Variants in GLRA1 observed in about 807,000 individuals in gnomAD.
GLRA1 encodes the protein glycine receptor subunit alpha-1.
In GLRA1, 37 loss-of-function variants were observed where a neutral mutation model predicts 48.3. The ratio of observed to expected loss-of-function variants is 0.77; its 90% CI spans 0.59 to 1.01. GLRA1 has a LOEUF of 1.01. Among genes scored for constraint, GLRA1 ranks in the 50% least tolerant of loss-of-function variants. The pLI is 0.00. For synonymous variants in GLRA1, 196 were observed against 210.7 expected, an observed-to-expected ratio of 0.93 and a Z score of 0.60; for missense variants, 427 against 571.0, an observed-to-expected ratio of 0.75 and a Z score of 2.57.
intron 7 of GLRA1, among the ~76,000 whole-genome samples, chr5:151,844,313 G>A (rs1752607078): frequency 6.6e-6 from 1 of 151,472 alleles, no homozygotes; most frequent in South Asian, 2.1e-4. Context: ...CTTGGATTAG[G>A]CAATAGTTTC....
chr5:151,822,711 A>G lies in GLRA1; in HGVS notation c.1312T>C (p.Tyr438His). 1 of 1,613,838 alleles carries G rather than the reference A, an allele frequency of 6.2e-7. No individual in the cohort carries two copies. Among genetic ancestry groups the G allele is most frequent in the South Asian group, 1.1e-5 (1 of 91,072 alleles). ...ACGTCCTCTCTACGGACAATCTTGTAGATGATCCAGTAGAACATGTTGAAA... is the reference window on the plus strand; with the variant it reads ...ACGTCCTCTCTACGGACAATCTTGTGGATGATCCAGTAGAACATGTTGAAA... ...LIFNMFYWII[Y>H]KIVRREDVHN... The change falls in exon 9 of 9, where the codon TAC (tyrosine) becomes CAC (histidine). Residue 438 changes from tyrosine to histidine, a missense_variant. By Grantham distance (83) the Tyr-to-His change is moderately conservative. This residue lies in a region of GLRA1 where 121 missense variants were observed against 96.5 expected (regional missense o/e 1.25). Transcript: ENST00000274576.
intron 1 of GLRA1, among the ~76,000 whole-genome samples, chr5:151,899,469 G>A (rs1029054061): frequency 6.6e-5 from 10 of 152,168 alleles, no homozygotes; most frequent in Admixed American, 1.3e-4. Flanking sequence ...TGGATGGTGA[G>A]GAGTGGTGGG....
intron 8 of GLRA1, 51 bp downstream of exon 8, chr5:151,828,870 C>A: frequency 5.7e-6 from 9 of 1,566,494 alleles, no homozygotes; most frequent in Non-Finnish European, 7.9e-6. Context: ...GCTTAGAACT[C>A]TTTTGTTTAC....
At chr5:151,853,504 C>T (rs1457383680) in intron 6 of GLRA1, among the ~76,000 whole-genome samples, 2 of 151,816 alleles carry the variant, frequency 1.3e-5, no homozygotes, top group African/African-American at 4.8e-5. Flanking sequence ...CATCCACCCG[C>T]CTTGACCTCC....
chr5:151,837,471 C>G (rs1018072060), intron 7 of GLRA1, among the ~76,000 whole-genome samples: 1 of 152,086 alleles, frequency 6.6e-6, no homozygotes, highest in Non-Finnish European at 1.5e-5. Flanking sequence ...GGTATATACC[C>G]AAAGGATTAT....
chr5:151,874,236 G>A (rs1753566567), intron 3 of GLRA1, among the ~76,000 whole-genome samples: 1 of 152,160 alleles, frequency 6.6e-6, no homozygotes. Context: ...TCTCCTCAGT[G>A]CGCTGAGTTC....
At chr5:151,901,965 A>G (rs1754377846) in intron 1 of GLRA1, among the ~76,000 whole-genome samples, 1 of 152,114 alleles carries the variant, frequency 6.6e-6, no homozygotes, top group Non-Finnish European at 1.5e-5. Context: ...TAATCACTAT[A>G]ATTTATTGAC....
chr5:151,851,704 A>T, intron 6 of GLRA1, 100 bp from the exon 7 acceptor site: 3 of 777,404 alleles, frequency 3.9e-6, no homozygotes, highest in South Asian at 1.4e-5. Context: ...TCAGTCTCAC[A>T]CTACCTGTGT....
In GLRA1 at chr5:151,851,589, A is replaced by G. The variant is rs1260024710; in HGVS notation, c.713T>C (p.Ile238Thr). The change falls in exon 7 of 9, where the codon ATT (isoleucine) becomes ACT (threonine). Residue 238 changes from isoleucine (I) to threonine (T), a missense_variant. Ile to Thr is a moderately conservative substitution (Grantham distance 89). Around this residue, in one of 4 missense-constraint regions of GLRA1, gnomAD observed 271 missense variants for 434.9 expected, o/e 0.62. Coordinates refer to ENST00000274576, the MANE Select transcript of GLRA1 (RefSeq NM_000171.4). ...KHYNTGKFTC[I>T]EARFHLERQM... ...CCGCTCCAGGTGGAACCGGGCCTCAATGCAGGTGAATTTACCTGCAAGAAA... is the reference window on the plus strand; with the variant it reads ...CCGCTCCAGGTGGAACCGGGCCTCAGTGCAGGTGAATTTACCTGCAAGAAA... 5 of 1,613,072 alleles carry G rather than the reference A, an allele frequency of 3.1e-6. No individual in the cohort carries two copies. The highest frequency in any genetic ancestry group is 2.2e-5 in the East Asian group (1 of 44,890).
chr5:151,890,704 AT>A (rs1178719641), intron 2 of GLRA1, among the ~76,000 whole-genome samples: 2 of 152,182 alleles, frequency 1.3e-5, no homozygotes, highest in East Asian at 3.9e-4. Context: ...CTCTGGTTTT[AT>A]TTTCTTATCT....
At chr5:151,897,644 GA>G (rs1333827490) in intron 1 of GLRA1, among the ~76,000 whole-genome samples, 2 of 152,128 alleles carry the variant, frequency 1.3e-5, no homozygotes, top group Non-Finnish European at 2.9e-5. Flanking sequence ...ACACAGAAAT[GA>G]AAAATACTGA....
At chr5:151,863,316 G>C (rs887668186) in intron 3 of GLRA1, among the ~76,000 whole-genome samples, 4 of 152,112 alleles carry the variant, frequency 2.6e-5, no homozygotes, top group Non-Finnish European at 5.9e-5. Flanking sequence ...CAGCTACTCA[G>C]GAGGCTGAGG....
intron 1 of GLRA1, among the ~76,000 whole-genome samples, chr5:151,918,144 C>G (rs1035842180): frequency 6.6e-6 from 1 of 152,158 alleles, no homozygotes; most frequent in African/African-American, 2.4e-5. Context: ...GGCCTCAGTA[C>G]CCCTCATAAG....
chr5:151,889,872 G>A (rs963928052), intron 2 of GLRA1, among the ~76,000 whole-genome samples: 4 of 151,966 alleles, frequency 2.6e-5, no homozygotes, highest in African/African-American at 9.7e-5. Context: ...CAGCTCCTGC[G>A]GTGGGGCTCC....
chr5:151,848,804 C>G (rs976507102), intron 7 of GLRA1: 1 of 421,640 alleles, frequency 2.4e-6, no homozygotes, highest in Admixed American at 2.7e-5. Flanking sequence ...GGTCTCCTCT[C>G]CTCTCCTCTC....
At chr5:151,850,109 C>A (rs1388612097) in intron 7 of GLRA1, 2 of 1,604,032 alleles carry the variant, frequency 1.2e-6, no homozygotes, top group African/African-American at 2.7e-5. Flanking sequence ...CAGATGGGTA[C>A]CACTTTGGTT....
At chr5:151,917,343 T>C (rs146588119) in intron 1 of GLRA1, among the ~76,000 whole-genome samples, 2 of 152,316 alleles carry the variant, frequency 1.3e-5, no homozygotes, top group East Asian at 3.9e-4. Context: ...TTAAAGACTC[T>C]TGTTGACATT....
intron 4 of GLRA1, among the ~76,000 whole-genome samples, chr5:151,858,519 C>G (rs1753107212): frequency 6.6e-6 from 1 of 152,214 alleles, no homozygotes; most frequent in African/African-American, 2.4e-5. Context: ...CCAGCTGGGC[C>G]TGGATGGCCA....
intron 1 of GLRA1, among the ~76,000 whole-genome samples, chr5:151,914,099 C>G (rs1048063379): frequency 2.6e-5 from 4 of 152,178 alleles, no homozygotes; most frequent in African/African-American, 7.2e-5. Flanking sequence ...AAATGACAAA[C>G]CAGCAGGTCT....
Sources: gnomAD v4.1 joint callset for allele counts (sites outside exome capture counted in the v4.1 genomes callset) on GRCh38, gnomAD v4.1.1 for gene constraint, gnomAD v4.1.1 regional missense constraint, MANE v1.5 for transcripts, NCBI Gene and HGNC (gene_info 2026-07-23, HGNC 2026-07-21) for gene names.